SNX13: variants seen among roughly 807,000 people sequenced by gnomAD.
The protein encoded by SNX13 is sorting nexin-13.
Under a neutral mutation model 133.6 loss-of-function variants are expected in SNX13, and 45 were observed. The ratio of observed to expected loss-of-function variants is 0.34; its 90% confidence interval spans 0.27 to 0.43. The LOEUF is 0.43. SNX13 is among the 20% of genes least tolerant of loss of function. The probability of loss-of-function intolerance (pLI) is 1.00; values close to 1 mark genes in which losing one functional copy is unlikely to be tolerated. For synonymous variants in SNX13, 414 were observed against 373.9 expected, an observed-to-expected ratio of 1.11 and a Z score of -1.24; for missense variants, 1,032 against 1,145.1, an observed-to-expected ratio of 0.90 and a Z score of 1.43.
chr7:17,829,414 T>G (rs1352110742), intron 16 of SNX13, among the ~76,000 whole-genome samples: 15 of 151,518 alleles, frequency 9.9e-5, no homozygotes. Flanking sequence ...GTACCTTGAA[T>G]ATATAAAATG....
chr7:17,807,773 GGCAGCAATCTTGGCTGCTCT>G (rs1008905666), intron 20 of SNX13, among the ~76,000 whole-genome samples: 1 of 152,200 alleles, frequency 6.6e-6, no homozygotes, highest in African/African-American at 2.4e-5. Flanking sequence ...GGAAGGAACA[GGCAGCAATCTTGGCTGCTCT>G]GCAGCCTCTG....
intron 9 of SNX13, among the ~76,000 whole-genome samples, chr7:17,865,518 G>A (rs1056594317): frequency 1.3e-5 from 2 of 152,154 alleles, no homozygotes; most frequent in Non-Finnish European, 1.5e-5. Flanking sequence ...CATGTTCATG[G>A]ATTGGAAGAA....
At chr7:17,798,181 T>C (rs771314574) in intron 24 of SNX13, among the ~76,000 whole-genome samples, 1 of 151,892 alleles carries the variant, frequency 6.6e-6, no homozygotes, top group Non-Finnish European at 1.5e-5. Flanking sequence ...GGCTGAGTGC[T>C]AGGCACAGAG....
intron 20 of SNX13, among the ~76,000 whole-genome samples, chr7:17,805,334 A>G (rs1020010410): frequency 6.6e-6 from 1 of 151,840 alleles, no homozygotes; most frequent in South Asian, 2.1e-4. Context: ...AGTATGTTCA[A>G]ATCAATCGGG....
At chr7:17,937,627 C>A (rs181414087) in intron 1 of SNX13, among the ~76,000 whole-genome samples, 1 of 151,568 alleles carries the variant, frequency 6.6e-6, no homozygotes, top group Non-Finnish European at 1.5e-5. Context: ...AGTATCCTCA[C>A]CTTGGTTAAA....
At chr7:17,890,749 C>T (rs1583645890) in intron 4 of SNX13, among the ~76,000 whole-genome samples, 1 of 151,396 alleles carries the variant, frequency 6.6e-6, no homozygotes, top group South Asian at 2.1e-4. Flanking sequence ...TGGCCAAGTC[C>T]CACATAAATC....
At chr7:17,856,684 T>C (rs981240564) in intron 9 of SNX13, among the ~76,000 whole-genome samples, 4 of 150,606 alleles carry the variant, frequency 2.7e-5, no homozygotes, top group African/African-American at 4.9e-5. Flanking sequence ...CCCAGCTACA[T>C]GTGAAACTGA....
rs1783721744 is a variant in SNX13 at position 17,793,286 on chromosome 7, C to T, written c.*759G>A. 4 of 152,374 alleles carry T rather than the reference C, an allele frequency of 2.6e-5. No homozygotes were observed. The South Asian group carries it at 8.3e-4, about 32-fold the overall frequency. The allele number at this position is 152,374 out of a possible 1,614,324, so 9.4% of individuals were successfully genotyped here. Reference sequence around the variant, plus strand: ...AATTTTGAAATTTAAATGAGAGCCACCACATGCTTCTTTTTGCACAAAGAA... The same window carrying T: ...AATTTTGAAATTTAAATGAGAGCCATCACATGCTTCTTTTTGCACAAAGAA... On this transcript the variant is annotated 3_prime_UTR_variant, in exon 26 of 26. Transcript: ENST00000428135.
At chr7:17,841,145 G>C (rs995132398) in intron 12 of SNX13, among the ~76,000 whole-genome samples, 1 of 151,964 alleles carries the variant, frequency 6.6e-6, no homozygotes, top group Non-Finnish European at 1.5e-5. Flanking sequence ...AAGAGGTGCA[G>C]ACAAATAGGC....
chr7:17,910,893 G>A (rs148914321), intron 1 of SNX13, among the ~76,000 whole-genome samples: 5 of 152,266 alleles, frequency 3.3e-5, no homozygotes, highest in South Asian at 2.1e-4. Context: ...GGGCTGGGGC[G>A]GAAGAGGAAA....
At position 17,907,461 on chromosome 7, in the gene SNX13, A is replaced by C. The variant is rs145517624; in HGVS notation, c.13-10015T>G. 185 of 152,338 alleles carry C rather than the reference A, an allele frequency of 1.2e-3. 1 individual carries two copies. Among genetic ancestry groups the C allele is most frequent in the African/African-American group, 4.2e-3 (174 of 41,586 alleles). The allele number at this position is 152,338 out of a possible 1,614,324, so 9.4% of individuals were successfully genotyped here. A position where few individuals can be genotyped will look rare whatever the true frequency, so the allele number is the denominator to read the frequency against. ...GAAACTGACAATGTTTTACCTGACCAACAACAGCACTTTTTAAAATTCTGA... is the reference window on the plus strand; with the variant it reads ...GAAACTGACAATGTTTTACCTGACCCACAACAGCACTTTTTAAAATTCTGA... On this transcript the variant is annotated intron_variant, in intron 1 of 25. Transcript: ENST00000428135.
intron 5 of SNX13, among the ~76,000 whole-genome samples, chr7:17,886,427 G>A (rs1467437104): frequency 6.6e-6 from 1 of 151,988 alleles, no homozygotes; most frequent in Non-Finnish European, 1.5e-5. Context: ...AATTAGTCGG[G>A]TGTAGTGGCG....
At position 17,890,455 on chromosome 7, in the gene SNX13, G is replaced by C; in HGVS notation, c.348C>G (p.Val116=). 1 of 1,589,922 alleles carries C rather than the reference G, an allele frequency of 6.3e-7. No individual in the cohort carries two copies. Residue 116 remains valine, a synonymous_variant, in exon 5 of 26, where the codon GTC becomes GTG. Coordinates refer to ENST00000428135, the MANE Select transcript of SNX13 (RefSeq NM_015132.5). ...CGCTTAGTGTATAATACCAATACTG[G>C]ACATAATCCCTCAAGGAAAACTGGA... The part of the protein sequence containing the change: ...QVIQFSLRDY[V]QYWYYTLSDD...
In SNX13 at chr7:17,940,430, T is replaced by A; in HGVS notation, c.-135A>T. On this transcript the variant is annotated 5_prime_UTR_variant, in exon 1 of 26. Transcript: ENST00000428135. ...GTCTTCTCCCGGGCGGCGGTTTTAC[T>A]CGGCTTCGCTGGCCTCCCCTCGGCC... The A allele has an allele frequency of 9.9e-7, 1 of 1,013,436 alleles. No homozygotes were observed. Among genetic ancestry groups the A allele is most frequent in the Non-Finnish European group, 1.5e-6 (1 of 665,326 alleles). 62.8% of individuals were successfully genotyped at this position (1,013,436 alleles called of 1,614,324 possible). A position where few individuals can be genotyped will look rare whatever the true frequency, so the allele number is the denominator to read the frequency against.
At chr7:17,904,891 C>T (rs1477595814) in intron 1 of SNX13, among the ~76,000 whole-genome samples, 2 of 152,126 alleles carry the variant, frequency 1.3e-5, no homozygotes. Context: ...ATGTGGAACC[C>T]TGTCTCATTC....
At chr7:17,823,014 C>T (rs1047906337) in intron 17 of SNX13, among the ~76,000 whole-genome samples, 2 of 152,124 alleles carry the variant, frequency 1.3e-5, no homozygotes, top group African/African-American at 4.8e-5. Flanking sequence ...CACTGAGCTG[C>T]CCTTTGTGAC....
intron 17 of SNX13, among the ~76,000 whole-genome samples, chr7:17,823,275 A>C (rs996630675): frequency 6.6e-6 from 1 of 152,156 alleles, no homozygotes; most frequent in Non-Finnish European, 1.5e-5. Flanking sequence ...GGAAGGCATG[A>C]TATCTCATAG....
intron 12 of SNX13, among the ~76,000 whole-genome samples, chr7:17,844,686 A>G (rs1790287635): frequency 6.6e-6 from 1 of 152,044 alleles, no homozygotes; most frequent in African/African-American, 2.4e-5. Context: ...CATATTAAAG[A>G]AATTATACAC....
At chr7:17,828,960 T>C (rs1788193469) in intron 16 of SNX13, among the ~76,000 whole-genome samples, 1 of 151,574 alleles carries the variant, frequency 6.6e-6, no homozygotes, top group Admixed American at 6.6e-5. Flanking sequence ...TAGGAGCAAT[T>C]CCTTTTAGTT....
Sources: gnomAD v4.1 joint callset for allele counts (sites outside exome capture counted in the v4.1 genomes callset) on GRCh38, gnomAD v4.1.1 for gene constraint, MANE v1.5 for transcripts, NCBI Gene and HGNC (gene_info 2026-07-23, HGNC 2026-07-21) for gene names.